Variants in RNF213 observed in about 807,000 individuals in gnomAD.
RNF213 encodes E3 ubiquitin-protein ligase RNF213.
RNF213 carries 341 observed loss-of-function variants against 514.4 expected under a neutral mutation model. That is an observed-to-expected ratio of 0.66 (90% CI 0.61 to 0.73). The LOEUF is 0.73. RNF213 is among the 30% of genes least tolerant of loss of function. The pLI is 0.00. For missense variants in RNF213, 5,767 were observed against 6,615.6 expected, an observed-to-expected ratio of 0.87 and a Z score of 4.45; for synonymous variants, 2,655 against 2,658.2, an observed-to-expected ratio of 1.00 and a Z score of 0.04.
At chr17:80,306,117 C>T (rs900238488) in intron 11 of RNF213, 135 bp from the exon 12 acceptor site, 7 of 848,020 alleles carry the variant, frequency 8.3e-6, no homozygotes, top group Non-Finnish European at 1.4e-5. Context: ...TGTGAGCCAC[C>T]ACGCCTGCCC....
At chr17:80,372,417 C>G in intron 47 of RNF213, 104 bp from the exon 48 acceptor site, 1 of 821,364 alleles carries the variant, frequency 1.2e-6, no homozygotes. Flanking sequence ...CAGTAACATT[C>G]TTCTATCCTT....
At chr17:80,350,541 A>G (rs1181271170) in intron 31 of RNF213, 145 bp downstream of exon 31, 1 of 666,880 alleles carries the variant, frequency 1.5e-6, no homozygotes, top group African/African-American at 1.8e-5. Context: ...CATTCCCCCA[A>G]GTGGGATTAG....
intron 3 of RNF213, among the ~76,000 whole-genome samples, 167 bp from the exon 4 acceptor site, chr17:80,287,648 T>A (rs982854383): frequency 4.6e-5 from 7 of 151,928 alleles, no homozygotes; most frequent in African/African-American, 1.7e-4. Context: ...CCCACTTTTG[T>A]TTCTTAATTT....
chr17:80,345,691 C>T lies in RNF213; in HGVS notation c.7356C>T (p.His2452=), dbSNP rs138032722. The change falls in exon 29 of 68, where the codon CAC becomes CAT. Residue 2452 remains histidine (H), a synonymous_variant. Transcript: ENST00000582970. The surrounding 1 kb of genome is among the most constrained non-coding windows in gnomAD (Gnocchi z 6.0). ...NADTIKLVKV[H]GGTTADMIYS... ...ACACCATAAAGCTGGTCAAGGTGCA[C>T]GGAGGAACAACTGCAGACATGATCT... 1.9e-4 allele frequency: 302 copies of T among 1,614,164 alleles called. No homozygotes were observed. The African/African-American group carries it at 3.3e-3, about 18-fold the overall frequency.
In RNF213 at chr17:80,295,634, T is replaced by C. The variant is rs777117805; in HGVS notation, c.1833T>C (p.Pro611=). The C allele has an allele frequency of 6.2e-7, 1 of 1,614,146 alleles. No homozygotes were observed. The highest frequency in any genetic ancestry group is 1.1e-5 in the South Asian group (1 of 91,068). The change falls in exon 10 of 68, where the codon CCT becomes CCC. Residue 611 remains proline, a synonymous_variant. Transcript: ENST00000582970. ...ACGGAAAAAGCACGGACTTTTTGCC[T>C]GTGGACTGCCCAGTGAGGAGTAAAC... ...LPDGKSTDFL[P]VDCPVRSKLK...
At chr17:80,338,070 A>G in intron 25 of RNF213, 73 bp downstream of exon 25, 7 of 1,504,782 alleles carry the variant, frequency 4.7e-6, no homozygotes, top group Non-Finnish European at 6.3e-6. Flanking sequence ...TACTCCCAAG[A>G]AAACGGAAAG....
At chr17:80,332,750 G>A in intron 21 of RNF213, 119 bp downstream of exon 21, 1 of 1,206,676 alleles carries the variant, frequency 8.3e-7, no homozygotes, top group East Asian at 2.6e-5. Context: ...TTCCGTCAGG[G>A]GCTCCTGTGT....
intron 6 of RNF213, 34 bp from the exon 7 acceptor site, chr17:80,290,536 C>T: frequency 3.7e-6 from 6 of 1,612,514 alleles, no homozygotes; most frequent in African/African-American, 1.3e-5. Context: ...ACAGATCTCA[C>T]GGGAATCAGA....
chr17:80,361,071 A>G (rs1015013923), intron 38 of RNF213, among the ~76,000 whole-genome samples: 1 of 152,072 alleles, frequency 6.6e-6, no homozygotes, highest in Admixed American at 6.5e-5. Context: ...ATTTACTTGG[A>G]CCCGGGGGTT....
chr17:80,329,527 C>T (rs2046360006), intron 20 of RNF213, among the ~76,000 whole-genome samples: 1 of 152,094 alleles, frequency 6.6e-6, no homozygotes, highest in Non-Finnish European at 1.5e-5. Context: ...GTGTCTTGGC[C>T]TGGATCTATG....
chr17:80,276,870 G>A (rs1460138838), intron 3 of RNF213, among the ~76,000 whole-genome samples: 2 of 151,860 alleles, frequency 1.3e-5, no homozygotes, highest in Non-Finnish European at 2.9e-5. Flanking sequence ...GGCCAACATG[G>A]TGAAACCCCG....
intron 23 of RNF213, chr17:80,336,900 C>CA (rs1342542396): frequency 1.2e-4 from 22 of 187,238 alleles, no homozygotes; most frequent in Middle Eastern, 2.6e-3. Context: ...GACTCTGTCT[C>CA]AAAAAAAAGA....
At position 80,394,050 on chromosome 17, in the gene RNF213, C is replaced by T. The variant is rs1481820297; in HGVS notation, c.*552C>T. 6.3e-6 allele frequency: 1 copy of T among 158,826 alleles called. No homozygotes were observed. The highest frequency in any genetic ancestry group is 2.4e-5 in the African/African-American group (1 of 41,542). The allele number at this position is 158,826 out of a possible 1,614,324, so 9.8% of individuals were successfully genotyped here. ...GAAAAATCAGGGCATTTTGTGAGTG[C>T]CTTAAGATCAAACTAACAAGATCTG... On this transcript the variant is annotated 3_prime_UTR_variant, in exon 68 of 68. Transcript: ENST00000582970.
chr17:80,342,564 A>G (rs2078184584), intron 26 of RNF213, among the ~76,000 whole-genome samples: 1 of 149,044 alleles, frequency 6.7e-6, no homozygotes, highest in Non-Finnish European at 1.5e-5. Context: ...CTATTTTTAT[A>G]TATATACACA....
chr17:80,289,912 C>G, intron 6 of RNF213, 75 bp downstream of exon 6: 1 of 1,455,346 alleles, frequency 6.9e-7, no homozygotes, highest in Non-Finnish European at 9.4e-7. Flanking sequence ...GCACAACTCT[C>G]AGGGGATATC....
chr17:80,373,259 C>T, intron 49 of RNF213, 94 bp downstream of exon 49: 2 of 1,009,128 alleles, frequency 2.0e-6, no homozygotes, highest in Non-Finnish European at 2.9e-6. Context: ...ACCCTACCCC[C>T]CCCACACCCC....
Position 80,381,006 on chromosome 17 carries a change from A to C in RNF213, c.13797+19A>C. On this transcript the variant is annotated intron_variant, in intron 56 of 67. Transcript: ENST00000582970. ...TTCCCAGGTATAACCCAGTGCTGCC[A>C]AACAATGGGCTCAGTTAAGAACCTG... 6.2e-7 allele frequency: 1 copy of C among 1,613,774 alleles called. No homozygotes were observed. Among genetic ancestry groups the C allele is most frequent in the South Asian group, 1.1e-5 (1 of 91,074 alleles).
intron 67 of RNF213, among the ~76,000 whole-genome samples, chr17:80,390,451 ACTCACTGCAACCTTGG>A (rs368736557): frequency 0.015 from 2,313 of 151,960 alleles, 26 homozygotes; most frequent in Non-Finnish European, 0.02. Flanking sequence ...AGTAATCTCA[ACTCACTGCAACCTTGG>A]CTCACTGCAA....
At chr17:80,331,637 T>C (rs551589445) in intron 20 of RNF213, among the ~76,000 whole-genome samples, 2 of 152,202 alleles carry the variant, frequency 1.3e-5, no homozygotes, top group Admixed American at 1.3e-4. Context: ...GATCCGCCCA[T>C]CTCAGCGTCC....
Sources: gnomAD v4.1 joint callset for allele counts (sites outside exome capture counted in the v4.1 genomes callset) on GRCh38, gnomAD v4.1.1 for gene constraint, Gnocchi (gnomAD v3.1) non-coding constraint, MANE v1.5 for transcripts, NCBI Gene and HGNC (gene_info 2026-07-23, HGNC 2026-07-21) for gene names.